Variants in NEDD1 observed in about 807,000 individuals in gnomAD.
The protein encoded by NEDD1 is protein NEDD1.
A neutral mutation model predicts 74.0 loss-of-function variants in NEDD1; 33 were observed. The ratio of observed to expected loss-of-function variants is 0.45; its 90% confidence interval spans 0.34 to 0.60. NEDD1 has a LOEUF of 0.60. Ranked by LOEUF, NEDD1 falls within the 20% of genes least tolerant of loss-of-function variation. NEDD1 has a pLI of 0.01. For synonymous variants in NEDD1, 250 were observed against 264.4 expected, an observed-to-expected ratio of 0.95 and a Z score of 0.53; for missense variants, 746 against 776.5, an observed-to-expected ratio of 0.96 and a Z score of 0.47.
Position 96,935,095 on chromosome 12 carries a change from T to C in NEDD1, c.609T>C (p.Ser203=), listed in dbSNP as rs942053179. Residue 203 remains serine (S), a synonymous_variant, in exon 7 of 16, where the codon AGT becomes AGC. Transcript: ENST00000266742. ...AGAGTCCATACCATAACTTTGACAGTGTACACAAAGCTCCAGCGTCAGGCA... is the reference window on the plus strand; with the variant it reads ...AGAGTCCATACCATAACTTTGACAGCGTACACAAAGCTCCAGCGTCAGGCA... ...NSQSPYHNFD[S]VHKAPASGIC... 5.6e-6 allele frequency: 9 copies of C among 1,612,120 alleles called. No individual in the cohort carries two copies. The East Asian group carries it at 2.0e-4, about 36-fold the overall frequency.
chr12:96,911,938 T>C (rs995170138), intron 3 of NEDD1, among the ~76,000 whole-genome samples: 4 of 152,276 alleles, frequency 2.6e-5, no homozygotes, highest in African/African-American at 9.6e-5. Context: ...TTTTAATTGC[T>C]AAAAAGCACA....
chr12:96,938,300 C>T (rs987260817), intron 9 of NEDD1, among the ~76,000 whole-genome samples: 1 of 151,818 alleles, frequency 6.6e-6, no homozygotes, highest in African/African-American at 2.4e-5. Flanking sequence ...TAATTAAGTT[C>T]TTATTTAGGA....
intron 12 of NEDD1, among the ~76,000 whole-genome samples, 153 bp from the exon 13 acceptor site, chr12:96,944,486 C>CT (rs202132836): frequency 2.2e-4 from 33 of 149,996 alleles, no homozygotes; most frequent in South Asian, 4.2e-4. Flanking sequence ...CTCCAGTTCT[C>CT]TTTTTCTTTT....
intron 15 of NEDD1, 92 bp from the exon 16 acceptor site, chr12:96,951,857 G>A (rs1236479367): frequency 1.4e-6 from 1 of 690,966 alleles, no homozygotes; most frequent in Non-Finnish European, 2.5e-6. Flanking sequence ...AATTGAACAT[G>A]AGAGAAATGA....
chr12:96,909,047 A>C (rs545404186), intron 2 of NEDD1, among the ~76,000 whole-genome samples: 5 of 152,002 alleles, frequency 3.3e-5, no homozygotes, highest in Non-Finnish European at 7.4e-5. Context: ...GTGGTGGTGC[A>C]TGCCGGTAAT....
At position 96,944,779 on chromosome 12, in the gene NEDD1, T is replaced by A; in HGVS notation, c.1638T>A (p.Asn546Lys). The A allele has an allele frequency of 6.4e-7, 1 of 1,563,564 alleles. No homozygotes were observed. Among genetic ancestry groups the A allele is most frequent in the Non-Finnish European group, 8.6e-7 (1 of 1,160,388 alleles). ...AGTTGATATGTGAACCCCCAATCAA[T>A]GGATCCTCAACTCCAAGTAAGTACA... ...EAQLICEPPI[N>K]GSSTPNPKIA... Residue 546 changes from asparagine to lysine, a missense_variant, in exon 13 of 16, where the codon AAT (asparagine) becomes AAA (lysine). Coordinates refer to ENST00000266742, the MANE Select transcript of NEDD1 (RefSeq NM_152905.4).
At chr12:96,943,096 G>A (rs529902933) in intron 11 of NEDD1, among the ~76,000 whole-genome samples, 33 of 151,996 alleles carry the variant, frequency 2.2e-4, no homozygotes, top group Non-Finnish European at 3.8e-4. Context: ...TTTGTTAGAA[G>A]CAAGTTACTA....
chr12:96,943,561 CT>C lies in NEDD1; in HGVS notation c.1299del (p.Phe433LeufsTer7), dbSNP rs1438676951. ...SDESIGKGDG[F>X]DFLPQLNSVF... The stretch of plus-strand genomic sequence containing the variant: ...ACATGCAGTTTTTCCCTTTTCCAGG[CT>C]TTGACTTTCTACCGCAGTTGAACTC... On this transcript the variant is annotated frameshift_variant and splice_region_variant, in exon 12 of 16. Transcript: ENST00000266742. LOFTEE classifies it high-confidence loss of function. 1 of 1,611,596 alleles carries C rather than the reference CT, an allele frequency of 6.2e-7. No individual in the cohort carries two copies. The highest frequency in any genetic ancestry group is 1.7e-5 in the Admixed American group (1 of 59,802).
intron 6 of NEDD1, among the ~76,000 whole-genome samples, chr12:96,928,681 CTTTTTTT>C (rs34575410): frequency 1.1e-5 from 1 of 87,646 alleles, no homozygotes; most frequent in African/African-American, 4.8e-5. Flanking sequence ...TAGTGTGTTT[CTTTTTTT>C]TTTTTTTTTT....
At position 96,943,720 on chromosome 12, in the gene NEDD1, A is replaced by G. The variant is rs781565587; in HGVS notation, c.1455A>G (p.Lys485=). ...ENRDLTAESK[K]IYMGKQESKD... is the part of the protein sequence containing the mutation. ...GTGATCTAACAGCTGAGTCTAAGAA[A>G]ATATATATGGGAAAACAGGAATCTA... The change falls in exon 12 of 16, where the codon AAA becomes AAG. Residue 485 remains lysine (K), a synonymous_variant. Coordinates refer to ENST00000266742, the MANE Select transcript of NEDD1 (RefSeq NM_152905.4). 36 of 1,612,336 alleles carry G rather than the reference A, an allele frequency of 2.2e-5. 1 individual carries two copies.
chr12:96,934,405 G>A (rs1876867421), intron 6 of NEDD1, among the ~76,000 whole-genome samples: 1 of 151,530 alleles, frequency 6.6e-6, no homozygotes, highest in East Asian at 1.9e-4. Context: ...CTATTGATTG[G>A]TATGTTTCAG....
intron 14 of NEDD1, among the ~76,000 whole-genome samples, chr12:96,950,640 T>A (rs535950350): frequency 2.0e-5 from 3 of 152,030 alleles, no homozygotes; most frequent in Admixed American, 2.0e-4. Flanking sequence ...AATGAAAACA[T>A]TGACTACAGA....
At chr12:96,917,005 G>A (rs1381079884) in intron 4 of NEDD1, among the ~76,000 whole-genome samples, 1 of 152,148 alleles carries the variant, frequency 6.6e-6, no homozygotes, top group East Asian at 1.9e-4. Flanking sequence ...AAGAAATCAA[G>A]GGTTATTCTG....
intron 14 of NEDD1, among the ~76,000 whole-genome samples, chr12:96,947,871 G>A (rs1878349178): frequency 6.6e-6 from 1 of 152,178 alleles, no homozygotes; most frequent in Admixed American, 6.5e-5. Flanking sequence ...GCTGCCCTGT[G>A]CTGCATGTCT....
At chr12:96,942,767 A>G (rs1877793520) in intron 11 of NEDD1, 143 bp downstream of exon 11, 1 of 590,610 alleles carries the variant, frequency 1.7e-6, no homozygotes, top group South Asian at 2.3e-5. Context: ...AGAACTGAGC[A>G]TGACTTGGCT....
At chr12:96,948,805 T>C (rs1267429715) in intron 14 of NEDD1, among the ~76,000 whole-genome samples, 1 of 152,200 alleles carries the variant, frequency 6.6e-6, no homozygotes, top group East Asian at 1.9e-4. Context: ...GTCTGGAGTA[T>C]TCACTGTCTT....
intron 6 of NEDD1, 36 bp from the exon 7 acceptor site, chr12:96,934,940 T>TAC: frequency 5.2e-6 from 2 of 381,254 alleles, no homozygotes; most frequent in African/African-American, 1.0e-4. Flanking sequence ...TATGAATGCT[T>TAC]ATAATTACAT....
intron 4 of NEDD1, among the ~76,000 whole-genome samples, chr12:96,917,335 G>C (rs571290142): frequency 1.5e-4 from 23 of 152,262 alleles, no homozygotes; most frequent in African/African-American, 4.6e-4. Context: ...CCTGATGGGA[G>C]ACCAGGACTG....
In NEDD1 at chr12:96,932,069, C is replaced by A. The variant is rs1876534355; in HGVS notation, c.490-2907C>A. On this transcript the variant is annotated intron_variant, in intron 6 of 15. Transcript: ENST00000266742. ...ATAAGTTTTTGAAACCTTCCCCCCA[C>A]CTTTAGTGAGTGGTATGTTTTTTAT... 2.6e-5 allele frequency among the ~76,000 whole-genome samples: 4 copies of A among 151,968 alleles called. 1 individual carries two copies.
Sources: gnomAD v4.1 joint callset for allele counts (sites outside exome capture counted in the v4.1 genomes callset) on GRCh38, gnomAD v4.1.1 for gene constraint, MANE v1.5 for transcripts, NCBI Gene and HGNC (gene_info 2026-07-23, HGNC 2026-07-21) for gene names.